Variants in CENPP observed in about 807,000 individuals in gnomAD.
CENPP encodes the protein centromere protein P.
In CENPP, 24 loss-of-function variants were observed where a neutral mutation model predicts 35.6. The ratio of observed to expected loss-of-function variants is 0.67; its 90% CI spans 0.49 to 0.95. The LOEUF is 0.95. Among genes scored for constraint, CENPP ranks in the 40% least tolerant of loss-of-function variants. The probability of loss-of-function intolerance (pLI) is 0.00; values close to 1 mark genes in which losing one functional copy is unlikely to be tolerated. For missense variants in CENPP, 332 were observed against 345.3 expected (o/e 0.96, Z 0.31); for synonymous variants, 120 against 125.5 (o/e 0.96, Z 0.29).
rs964505215 is a variant in CENPP at position 92,611,515 on chromosome 9, T to C, written c.644+122T>C. Reference sequence around the variant, plus strand: ...TAACCAAGAACTAAAGGTCGTCGGTTGGAGGAATCAGTGGTCCCAGCAGAT... The same window carrying C: ...TAACCAAGAACTAAAGGTCGTCGGTCGGAGGAATCAGTGGTCCCAGCAGAT... On this transcript the variant is annotated intron_variant, in intron 6 of 7. Coordinates refer to ENST00000375587, the MANE Select transcript of CENPP (RefSeq NM_001012267.3). 2.9e-5 allele frequency: 21 copies of C among 728,322 alleles called. No homozygotes were observed. In the African/African-American group the frequency reaches 3.4e-4, roughly 12 times the overall value. 45.1% of individuals were successfully genotyped at this position (728,322 alleles called of 1,614,324 possible).
rs569335965 is a variant in CENPP at position 92,431,864 on chromosome 9, T to G, written c.564+52005T>G. ...CTGGGATTGCAGGCGTTAGCCACCA[T>G]GCCTGGCCTTTACTCATTTTTCTAT... On this transcript the variant is annotated intron_variant, in intron 5 of 7. Coordinates refer to ENST00000375587, the MANE Select transcript of CENPP (RefSeq NM_001012267.3). Among the ~76,000 whole-genome samples, 4 of 151,980 alleles carry G rather than the reference T, an allele frequency of 2.6e-5. No individual in the cohort carries two copies. In the East Asian group the frequency reaches 5.9e-4, roughly 22 times the overall value.
chr9:92,377,032 CAA>C (rs1333487031), intron 4 of CENPP, among the ~76,000 whole-genome samples: 6 of 121,666 alleles, frequency 4.9e-5, no homozygotes, highest in Non-Finnish European at 5.2e-5. Flanking sequence ...GACTTAGTCT[CAA>C]AAAAAAAAAA....
intron 5 of CENPP, among the ~76,000 whole-genome samples, chr9:92,388,831 CA>C (rs533649013): frequency 0.32 from 26,513 of 83,434 alleles, 2,379 homozygotes; most frequent in Middle Eastern, 0.43. Context: ...GACTCCATCT[CA>C]AAAAAAAAAA....
chr9:92,577,688 T>G (rs1369481385), intron 5 of CENPP, among the ~76,000 whole-genome samples: 1 of 152,132 alleles, frequency 6.6e-6, no homozygotes, highest in Non-Finnish European at 1.5e-5. Flanking sequence ...GGCATAATGT[T>G]ATGCCCCTAT....
At chr9:92,429,759 C>T (rs1844057183) in intron 5 of CENPP, among the ~76,000 whole-genome samples, 1 of 151,622 alleles carries the variant, frequency 6.6e-6, no homozygotes, top group East Asian at 1.9e-4. Flanking sequence ...TGCACTCTGA[C>T]CTGGGTGACA....
At chr9:92,546,784 G>A (rs976238950) in intron 5 of CENPP, among the ~76,000 whole-genome samples, 2 of 152,078 alleles carry the variant, frequency 1.3e-5, no homozygotes, top group Admixed American at 6.6e-5. Context: ...TAGATTACAT[G>A]AATAATTTCT....
At chr9:92,408,915 C>G (rs926115101) in intron 5 of CENPP, among the ~76,000 whole-genome samples, 2 of 152,078 alleles carry the variant, frequency 1.3e-5, no homozygotes, top group Admixed American at 6.6e-5. Flanking sequence ...GGATCTCCGT[C>G]TTAAATCTCA....
chr9:92,336,545 TCTGATTGCTCTTATCTTCC>T (rs1207235197), intron 2 of CENPP, among the ~76,000 whole-genome samples: 1 of 152,208 alleles, frequency 6.6e-6, no homozygotes, highest in African/African-American at 2.4e-5. Flanking sequence ...GCTTCCCAAA[TCTGATTGCTCTTATCTTCC>T]CTGTTCCCTT....
chr9:92,512,355 A>G (rs1452931556), intron 5 of CENPP, among the ~76,000 whole-genome samples: 1 of 152,252 alleles, frequency 6.6e-6, no homozygotes, highest in African/African-American at 2.4e-5. Flanking sequence ...GGATTCATCA[A>G]GCTGTAAATA....
chr9:92,517,817 C>T (rs773334568), intron 5 of CENPP: 142 of 1,614,024 alleles, frequency 8.8e-5, no homozygotes, highest in Non-Finnish European at 1.2e-4. Context: ...AGGGCTCAGG[C>T]GACCACACAG....
chr9:92,351,425 AG>A (rs958714915), intron 4 of CENPP, among the ~76,000 whole-genome samples: 38 of 150,496 alleles, frequency 2.5e-4, no homozygotes, highest in African/African-American at 9.0e-4. Flanking sequence ...GGTTGTGGTG[AG>A]CCGAGAGCAC....
At chr9:92,547,031 C>A (rs1006643583) in intron 5 of CENPP, among the ~76,000 whole-genome samples, 1 of 151,930 alleles carries the variant, frequency 6.6e-6, no homozygotes. Context: ...TTTTAAAATA[C>A]GTATATATTA....
At chr9:92,605,570 G>T (rs1006651165) in intron 5 of CENPP, among the ~76,000 whole-genome samples, 1 of 152,064 alleles carries the variant, frequency 6.6e-6, no homozygotes, top group Non-Finnish European at 1.5e-5. Flanking sequence ...TTCAACAATT[G>T]GTTCTCAGAC....
chr9:92,457,650 C>A (rs1385933343), intron 5 of CENPP, among the ~76,000 whole-genome samples: 2 of 152,054 alleles, frequency 1.3e-5, no homozygotes, highest in Non-Finnish European at 2.9e-5. Flanking sequence ...ATGTTAAATA[C>A]CTATTATAAA....
In CENPP at chr9:92,339,037, A is replaced by G. The variant is rs139752902; in HGVS notation, c.378+1408A>G. 1.6e-3 allele frequency among the ~76,000 whole-genome samples: 239 copies of G among 152,326 alleles called. 1 individual carries two copies. The highest frequency in any genetic ancestry group is 5.3e-3 in the African/African-American group (221 of 41,562). ...TTGAAAGCCAGAGAAAGCAGTTGAA[A>G]GAGGAGAAAGCAGTTTCAACCAGTT... is the stretch of plus-strand genomic sequence containing the variant. On this transcript the variant is annotated intron_variant, in intron 3 of 7. Coordinates refer to ENST00000375587, the MANE Select transcript of CENPP (RefSeq NM_001012267.3).
chr9:92,394,040 G>A (rs796821222), intron 5 of CENPP, among the ~76,000 whole-genome samples: 9 of 152,208 alleles, frequency 5.9e-5, no homozygotes, highest in African/African-American at 2.2e-4. Flanking sequence ...AGTACTTTGA[G>A]AATCTAAATG....
In CENPP at chr9:92,472,174, GA is replaced by G. The variant is rs1845545123; in HGVS notation, c.564+92318del. Among the ~76,000 whole-genome samples, 6 of 150,254 alleles carry G rather than the reference GA, an allele frequency of 4.0e-5. No homozygotes were observed. The South Asian group carries it at 1.3e-3, about 32-fold the overall frequency. On this transcript the variant is annotated intron_variant, in intron 5 of 7. Coordinates refer to ENST00000375587, the MANE Select transcript of CENPP (RefSeq NM_001012267.3). ...GTAAGACCAGCCTGGCCAACATGGT[GA>G]AAGAAACCCCGTCTCTACTAAGAAT...
In CENPP at chr9:92,350,838, G is replaced by T. The variant is rs545226820; in HGVS notation, c.467+5051G>T. On this transcript the variant is annotated intron_variant, in intron 4 of 7. Coordinates refer to ENST00000375587, the MANE Select transcript of CENPP (RefSeq NM_001012267.3). ...TCTTTGTTTTCAGTGAATCTACTTG[G>T]TTTTTTTGTTCACTATTGCCCAGGC... Among the ~76,000 whole-genome samples the T allele has an allele frequency of 2.6e-5, 4 of 152,148 alleles. No homozygotes were observed. In the South Asian group the frequency reaches 8.3e-4, roughly 32 times the overall value.
At chr9:92,495,315 T>G in intron 5 of CENPP, 1 of 867,624 alleles carries the variant, frequency 1.2e-6, no homozygotes, top group South Asian at 5.3e-5. Flanking sequence ...ATAAAAATCA[T>G]TATGTTAGAA....
Sources: allele counts gnomAD v4.1 joint callset (sites outside exome capture counted in the v4.1 genomes callset), GRCh38; gene constraint gnomAD v4.1.1; transcripts MANE v1.5; gene names NCBI Gene and HGNC (gene_info 2026-07-23, HGNC 2026-07-21).